Variants in USP54 observed in about 807,000 individuals in gnomAD.
USP54 encodes ubiquitin specific peptidase 54, also known as ubiquitin carboxyl-terminal hydrolase 54.
In USP54, 87 loss-of-function variants were observed where a neutral mutation model predicts 170.5. The ratio of observed to expected loss-of-function variants is 0.51; its 90% CI spans 0.43 to 0.61. The LOEUF (loss-of-function observed/expected upper bound fraction) is 0.61. USP54 is among the 20% of genes least tolerant of loss of function. The probability of loss-of-function intolerance (pLI) is 0.00; values close to 1 mark genes in which losing one functional copy is unlikely to be tolerated. For synonymous variants in USP54, 655 were observed against 742.8 expected, an observed-to-expected ratio of 0.88 and a Z score of 1.92; for missense variants, 1,786 against 2,047.8, an observed-to-expected ratio of 0.87 and a Z score of 2.47.
At chr10:73,534,446 T>G (rs2064797035) in intron 12 of USP54, among the ~76,000 whole-genome samples, 154 bp downstream of exon 12, 1 of 152,104 alleles carries the variant, frequency 6.6e-6, no homozygotes, top group African/African-American at 2.4e-5. Flanking sequence ...TCTCCTTACC[T>G]CATGATCCAC....
intron 1 of USP54, among the ~76,000 whole-genome samples, chr10:73,581,404 A>G (rs1448708722): frequency 6.6e-6 from 1 of 152,222 alleles, no homozygotes; most frequent in East Asian, 1.9e-4. Flanking sequence ...CATGTATGAA[A>G]TGATGGAAAA....
intron 20 of USP54, chr10:73,515,711 T>A (rs1223138058): frequency 6.6e-6 from 1 of 151,994 alleles, no homozygotes; most frequent in African/African-American, 2.4e-5. Flanking sequence ...TAGAAGAATA[T>A]ATTTTCCTCT....
intron 3 of USP54, among the ~76,000 whole-genome samples, chr10:73,573,613 A>T (rs191967276): frequency 6.6e-6 from 1 of 152,246 alleles, no homozygotes; most frequent in Non-Finnish European, 1.5e-5. Flanking sequence ...AAAGTACAAA[A>T]ATTAGCCCAG....
intron 3 of USP54, among the ~76,000 whole-genome samples, chr10:73,573,943 A>G (rs1220945988): frequency 1.3e-5 from 2 of 152,184 alleles, no homozygotes; most frequent in Non-Finnish European, 2.9e-5. Context: ...GCCCAGGACC[A>G]TTGTTCTTTA....
intron 22 of USP54, among the ~76,000 whole-genome samples, chr10:73,502,617 C>G (rs1243303534): frequency 6.6e-6 from 1 of 152,140 alleles, no homozygotes; most frequent in Non-Finnish European, 1.5e-5. Context: ...CCGGCTATTC[C>G]TTTCTTCTTG....
At chr10:73,513,780 A>G (rs1263590257) in intron 20 of USP54, among the ~76,000 whole-genome samples, 1 of 152,134 alleles carries the variant, frequency 6.6e-6, no homozygotes, top group East Asian at 1.9e-4. Flanking sequence ...ACTACCTGCA[A>G]TGAAAAATGT....
At chr10:73,617,666 C>CA (rs1471075451) in intron 1 of USP54, among the ~76,000 whole-genome samples, 1 of 149,470 alleles carries the variant, frequency 6.7e-6, no homozygotes, top group Non-Finnish European at 1.5e-5. Flanking sequence ...CTCATCTCTT[C>CA]AAAAAAATTA....
At chr10:73,612,129 TAGAC>T (rs934171039) in intron 1 of USP54, among the ~76,000 whole-genome samples, 3 of 152,086 alleles carry the variant, frequency 2.0e-5, no homozygotes, top group African/African-American at 7.2e-5. Context: ...ATAAAATAGA[TAGAC>T]AGAAAACCTA....
At chr10:73,547,014 A>G in intron 4 of USP54, among the ~76,000 whole-genome samples, 1 of 152,270 alleles carries the variant, frequency 6.6e-6, no homozygotes, top group East Asian at 1.9e-4. Flanking sequence ...ATATTCTCCC[A>G]ATCTACTGAC....
chr10:73,591,761 C>T (rs909798960), upstream of USP54, among the ~76,000 whole-genome samples: 7 of 152,032 alleles, frequency 4.6e-5, no homozygotes, highest in Admixed American at 2.0e-4. Context: ...AATTCCTTTG[C>T]ACTGCAGTCA....
At chr10:73,504,691 G>C in intron 22 of USP54, 159 bp downstream of exon 22, 1 of 969,864 alleles carries the variant, frequency 1.0e-6, no homozygotes, top group Non-Finnish European at 1.5e-6. Flanking sequence ...CTGAATGTTT[G>C]TAAATAAAAT....
intron 4 of USP54, among the ~76,000 whole-genome samples, chr10:73,568,038 A>G (rs2074240971): frequency 6.6e-6 from 1 of 152,088 alleles, no homozygotes; most frequent in Non-Finnish European, 1.5e-5. Flanking sequence ...TTCAGCCTCC[A>G]GAGTAGCTGA....
chr10:73,497,691 A>C lies in USP54; in HGVS notation c.*938T>G, dbSNP rs2057315397. 1 of 152,320 alleles carries C rather than the reference A, an allele frequency of 6.6e-6. No individual in the cohort carries two copies. Among genetic ancestry groups the C allele is most frequent in the Non-Finnish European group, 1.5e-5 (1 of 68,060 alleles). The allele number at this position is 152,320 out of a possible 1,614,324, so 9.4% of individuals were successfully genotyped here. On this transcript the variant is annotated 3_prime_UTR_variant, in exon 24 of 24. Coordinates refer to ENST00000687698, the MANE Select transcript of USP54 (RefSeq NM_001391956.1). Reference sequence around the variant, plus strand: ...GTTATTGAGGACAGAAGGCTGTGTTAGTGTGCCTGACTCCATCTGTTCAAA... The same window carrying C: ...GTTATTGAGGACAGAAGGCTGTGTTCGTGTGCCTGACTCCATCTGTTCAAA...
intron 1 of USP54, among the ~76,000 whole-genome samples, chr10:73,612,839 C>CAAAAAA (rs756355670): frequency 2.4e-5 from 1 of 42,122 alleles, no homozygotes; most frequent in Non-Finnish European, 5.0e-5. Flanking sequence ...GACATTGTCT[C>CAAAAAA]AAAAAAAAAA....
At chr10:73,524,406 C>G (rs1161737787) in intron 16 of USP54, among the ~76,000 whole-genome samples, 2 of 151,542 alleles carry the variant, frequency 1.3e-5, no homozygotes, top group East Asian at 2.0e-4. Context: ...ATGGTGAAAC[C>G]CCGTCTCTAC....
chr10:73,505,700 C>G (rs979555351), intron 20 of USP54: 7 of 226,750 alleles, frequency 3.1e-5, no homozygotes, highest in Non-Finnish European at 6.1e-5. Flanking sequence ...AAAACCCTGT[C>G]TCTACTAAAA....
In USP54 at chr10:73,608,131, G is replaced by A. The variant is rs538290488; in HGVS notation, c.-18+17436C>T. Reference sequence around the variant, plus strand: ...AAAAATTAGCCGGGCATGGTAGCGCGTGCCTGTGGTCCCAGCTACTTCAGG... The same window carrying A: ...AAAAATTAGCCGGGCATGGTAGCGCATGCCTGTGGTCCCAGCTACTTCAGG... On this transcript the variant is annotated intron_variant, in intron 1 of 22. Coordinates refer to the USP54 transcript ENST00000339859. Among the ~76,000 whole-genome samples, 98 of 151,378 alleles carry A rather than the reference G, an allele frequency of 6.5e-4. 1 individual carries two copies. Among genetic ancestry groups the A allele is most frequent in the Non-Finnish European group, 1.3e-4 (9 of 67,846 alleles).
upstream of USP54, among the ~76,000 whole-genome samples, chr10:73,595,748 C>T (rs899746861): frequency 3.9e-5 from 6 of 152,102 alleles, no homozygotes; most frequent in Admixed American, 6.5e-5. Context: ...CTTAAAGCTC[C>T]TAGAAAGCAA....
chr10:73,507,668 G>A (rs1177957383), intron 20 of USP54, among the ~76,000 whole-genome samples: 8 of 70,306 alleles, frequency 1.1e-4, no homozygotes, highest in African/African-American at 2.3e-4. Context: ...AGACTCCGTC[G>A]CAAAAAAAAA....
Sources: allele counts gnomAD v4.1 joint callset (sites outside exome capture counted in the v4.1 genomes callset), GRCh38; gene constraint gnomAD v4.1.1; transcripts MANE v1.5; gene names NCBI Gene and HGNC (gene_info 2026-07-23, HGNC 2026-07-21).